Variants in UBE2G1 observed in about 807,000 individuals in gnomAD.
UBE2G1 encodes ubiquitin conjugating enzyme E2 G1.
A neutral mutation model predicts 22.7 loss-of-function variants in UBE2G1; 5 were observed. The observed-to-expected ratio is 0.22, with a 90% CI of 0.12 to 0.46. UBE2G1 has a LOEUF of 0.46. UBE2G1 is among the 20% of genes least tolerant of loss of function. The probability of loss-of-function intolerance (pLI) is 0.99; values close to 1 mark genes in which losing one functional copy is unlikely to be tolerated. For synonymous variants in UBE2G1, 74 were observed against 67.5 expected, an observed-to-expected ratio of 1.10 and a Z score of -0.47; for missense variants, 88 against 203.9, an observed-to-expected ratio of 0.43 and a Z score of 3.46.
chr17:4,352,948 C>T (rs8067977), intron 1 of UBE2G1, among the ~76,000 whole-genome samples: 68,517 of 151,950 alleles, frequency 0.45, 18,613 homozygotes, highest in African/African-American at 0.77. Context: ...GCCGGGTACA[C>T]TGGCTCACGC....
At chr17:4,317,632 AATT>A (rs1969390937) in intron 1 of UBE2G1, among the ~76,000 whole-genome samples, 1 of 152,230 alleles carries the variant, frequency 6.6e-6, no homozygotes, top group Non-Finnish European at 1.5e-5. Context: ...CCTTAAAAAG[AATT>A]TGTCAATATG....
Position 4,310,490 on chromosome 17 carries a change from T to C in UBE2G1, c.47-3367A>G, listed in dbSNP as rs534183951. Among the ~76,000 whole-genome samples, 6 of 152,280 alleles carry C rather than the reference T, an allele frequency of 3.9e-5. No homozygotes were observed. In the South Asian group the frequency reaches 6.2e-4, roughly 16 times the overall value. On this transcript the variant is annotated intron_variant, in intron 1 of 5. Transcript: ENST00000396981. ...GAACCCTACTTTAGGTAGAGGAGCA[T>C]GTACAAAAACTTGAAATAGGGCAAT...
At position 4,357,785 on chromosome 17, in the gene UBE2G1, C is replaced by T. The variant is rs148178009; in HGVS notation, c.46+8486G>A. The stretch of plus-strand genomic sequence containing the variant: ...TGCACTCCAGCCTGGGCAACAAGAG[C>T]GGAACTCTGTCTCAAAAAAAACAAA... On this transcript the variant is annotated intron_variant, in intron 1 of 5. Coordinates refer to ENST00000396981, the MANE Select transcript of UBE2G1 (RefSeq NM_003342.5). Among the ~76,000 whole-genome samples, 136 of 151,606 alleles carry T rather than the reference C, an allele frequency of 9.0e-4. 1 individual carries two copies. Among genetic ancestry groups the T allele is most frequent in the African/African-American group, 3.2e-3 (133 of 41,332 alleles).
intron 1 of UBE2G1, among the ~76,000 whole-genome samples, chr17:4,312,245 G>GA (rs1032699564): frequency 8.7e-5 from 13 of 149,258 alleles, no homozygotes; most frequent in South Asian, 2.1e-4. Flanking sequence ...AAAAAAGAAA[G>GA]AAAAAAAAAT....
chr17:4,299,981 C>T (rs1461450986), intron 2 of UBE2G1, among the ~76,000 whole-genome samples: 1 of 151,890 alleles, frequency 6.6e-6, no homozygotes, highest in African/African-American at 2.4e-5. Flanking sequence ...CGCACACCAC[C>T]ACGTCCCGCT....
At chr17:4,302,824 T>A (rs1311212274) in intron 2 of UBE2G1, 1 of 180,754 alleles carries the variant, frequency 5.5e-6, no homozygotes, top group Non-Finnish European at 1.2e-5. Context: ...TGTATTTATA[T>A]CCAAATACAC....
At chr17:4,295,583 C>T (rs748721682) in intron 3 of UBE2G1, among the ~76,000 whole-genome samples, 2 of 152,044 alleles carry the variant, frequency 1.3e-5, no homozygotes, top group South Asian at 2.1e-4. Flanking sequence ...CTTGATGATG[C>T]GAAGCCAAAT....
Position 4,301,014 on chromosome 17 carries a change from A to G in UBE2G1, c.150-4200T>C, listed in dbSNP as rs1003868123. ...TGTTTAAAAACCCAGGCCTAGTTCA[A>G]TTTTTTTCCATGAGGCCTCCATTAC... On this transcript the variant is annotated intron_variant, in intron 2 of 5. Coordinates refer to ENST00000396981, the MANE Select transcript of UBE2G1 (RefSeq NM_003342.5). 4.6e-5 allele frequency among the ~76,000 whole-genome samples: 7 copies of G among 152,040 alleles called. No individual in the cohort carries two copies. The East Asian group carries it at 1.2e-3, about 25-fold the overall frequency.
At chr17:4,310,141 T>C (rs1969293138) in intron 1 of UBE2G1, among the ~76,000 whole-genome samples, 1 of 152,374 alleles carries the variant, frequency 6.6e-6, no homozygotes, top group African/African-American at 2.4e-5. Flanking sequence ...CATGCCTTCA[T>C]GAATGCTTCC....
At chr17:4,289,090 G>C (rs1189799709) in intron 4 of UBE2G1, 140 bp downstream of exon 4, 2 of 601,024 alleles carry the variant, frequency 3.3e-6, no homozygotes, top group African/African-American at 2.2e-5. Context: ...TCAAAAATAA[G>C]AACTATGGGA....
At chr17:4,357,984 G>T (rs761245206) in intron 1 of UBE2G1, among the ~76,000 whole-genome samples, 1 of 150,808 alleles carries the variant, frequency 6.6e-6, no homozygotes, top group Non-Finnish European at 1.5e-5. Flanking sequence ...AAGAGAGAGA[G>T]ACCCTGTCTC....
rs569943122 is a variant in UBE2G1, at chr17:4,293,701, G to C, written c.247+3016C>G. Among the ~76,000 whole-genome samples the C allele has an allele frequency of 7.9e-5, 12 of 152,204 alleles. No homozygotes were observed. In the South Asian group the frequency reaches 2.3e-3, roughly 29 times the overall value. Reference sequence around the variant, plus strand: ...ATTTGTTATTATCTTTTTGATTATAGGAATCCTAGTGGGTAAAAAGTGGTA... The same window carrying C: ...ATTTGTTATTATCTTTTTGATTATACGAATCCTAGTGGGTAAAAAGTGGTA... On this transcript the variant is annotated intron_variant, in intron 3 of 5. Transcript: ENST00000396981.
At chr17:4,350,040 G>A (rs998697580) in intron 1 of UBE2G1, among the ~76,000 whole-genome samples, 12 of 151,910 alleles carry the variant, frequency 7.9e-5, no homozygotes, top group Non-Finnish European at 1.5e-4. Context: ...CTCCTGCCTC[G>A]GCCTCCCAAA....
At chr17:4,346,927 C>G (rs188137613) in intron 1 of UBE2G1, among the ~76,000 whole-genome samples, 43 of 151,756 alleles carry the variant, frequency 2.8e-4, no homozygotes, top group African/African-American at 1.0e-3. Flanking sequence ...CCAAGGCGGG[C>G]GGATCACTTG....
chr17:4,291,933 T>C (rs546259729), intron 3 of UBE2G1, among the ~76,000 whole-genome samples: 123 of 152,342 alleles, frequency 8.1e-4, no homozygotes, highest in African/African-American at 2.8e-3. Context: ...AATGTTTACT[T>C]TCCTCTTGCC....
intron 2 of UBE2G1, among the ~76,000 whole-genome samples, chr17:4,303,942 T>G (rs897493746): frequency 5.3e-5 from 8 of 152,208 alleles, no homozygotes; most frequent in Admixed American, 2.0e-4. Context: ...AAAAGAGAGA[T>G]AAAAGTTATA....
intron 5 of UBE2G1, among the ~76,000 whole-genome samples, chr17:4,273,860 G>C (rs1242811028): frequency 6.6e-6 from 1 of 152,148 alleles, no homozygotes; most frequent in African/African-American, 2.4e-5. Flanking sequence ...AGATGACTAA[G>C]AAATCAAGGG....
At chr17:4,289,476 A>T in intron 3 of UBE2G1, 68 bp from the exon 4 acceptor site, 2 of 1,429,904 alleles carry the variant, frequency 1.4e-6, no homozygotes, top group Non-Finnish European at 1.9e-6. Flanking sequence ...TATCAATTAC[A>T]AATGTGATCC....
chr17:4,293,947 C>T (rs1598183275), intron 3 of UBE2G1, among the ~76,000 whole-genome samples: 1 of 152,330 alleles, frequency 6.6e-6, no homozygotes, highest in East Asian at 1.9e-4. Flanking sequence ...TTCCAATCTT[C>T]TATGAGTGTA....
Sources: allele counts gnomAD v4.1 joint callset (sites outside exome capture counted in the v4.1 genomes callset), GRCh38; gene constraint gnomAD v4.1.1; transcripts MANE v1.5; gene names NCBI Gene and HGNC (gene_info 2026-07-23, HGNC 2026-07-21).